Variants in KLF12 observed in about 807,000 individuals in gnomAD.
KLF12 encodes the protein Krueppel-like factor 12.
A neutral mutation model predicts 37.8 loss-of-function variants in KLF12; 9 were observed. The ratio of observed to expected loss-of-function variants is 0.24; its 90% CI spans 0.14 to 0.42. KLF12 has a LOEUF of 0.42. Among genes scored for constraint, KLF12 ranks in the 10% least tolerant of loss-of-function variants. The pLI is 1.00. For missense variants in KLF12, 411 were observed against 516.0 expected (o/e 0.80, Z 1.97); for synonymous variants, 208 against 202.1 (o/e 1.03, Z -0.25).
chr13:73,899,463 T>C (rs1364126685), intron 3 of KLF12, among the ~76,000 whole-genome samples: 2 of 152,196 alleles, frequency 1.3e-5, no homozygotes, highest in East Asian at 1.9e-4. Flanking sequence ...TTCCCTCCCC[T>C]GAGCTATGTG....
intron 1 of KLF12, among the ~76,000 whole-genome samples, chr13:74,080,183 T>A (rs1874796464): frequency 6.6e-6 from 1 of 151,736 alleles, no homozygotes; most frequent in South Asian, 2.1e-4. Context: ...TCATGCCTTA[T>A]CCCAATTCTT....
chr13:74,287,395 A>AGAGAGAGG, the KLF12 span, among the ~76,000 whole-genome samples: 1 of 147,162 alleles, frequency 6.8e-6, no homozygotes, highest in East Asian at 2.0e-4. Context: ...AGAGAGAGAG[A>AGAGAGAGG]ATCCACCTCT....
At chr13:73,890,312 A>G (rs1386905543) in intron 3 of KLF12, among the ~76,000 whole-genome samples, 1 of 152,102 alleles carries the variant, frequency 6.6e-6, no homozygotes, top group East Asian at 1.9e-4. Flanking sequence ...AGTCAGCCTT[A>G]AAAAGTTTCT....
chr13:73,905,326 A>G (rs1888226851), intron 3 of KLF12, among the ~76,000 whole-genome samples: 1 of 149,862 alleles, frequency 6.7e-6, no homozygotes, highest in Admixed American at 6.6e-5. Flanking sequence ...CTAAAATCTG[A>G]GACAGCGCTA....
intron 6 of KLF12, among the ~76,000 whole-genome samples, chr13:73,733,120 C>G (rs764415836): frequency 1.3e-5 from 2 of 152,134 alleles, no homozygotes; most frequent in African/African-American, 2.4e-5. Flanking sequence ...TCCTTCCCCC[C>G]AGTCTTTTAT....
In KLF12 at chr13:73,693,051, A is replaced by C. The variant is rs1056630657; in HGVS notation, c.*2439T>G. 6.6e-6 allele frequency: 1 copy of C among 152,208 alleles called. No individual in the cohort carries two copies. The highest frequency in any genetic ancestry group is 2.4e-5 in the African/African-American group (1 of 41,450). The allele number at this position is 152,208 out of a possible 1,614,324, so 9.4% of individuals were successfully genotyped here. ...ACCAAGTCTACCTGTAATACTCTCA[A>C]GACATCTTTCAGCAGAGAAAAGAAC... On this transcript the variant is annotated 3_prime_UTR_variant, in exon 8 of 8. Coordinates refer to ENST00000377669, the MANE Select transcript of KLF12 (RefSeq NM_007249.5).
the KLF12 span, among the ~76,000 whole-genome samples, chr13:74,155,844 C>A: frequency 6.6e-6 from 1 of 152,098 alleles, no homozygotes; most frequent in African/African-American, 2.4e-5. Context: ...TTTGTGTCAT[C>A]CTGGTATTGG....
At chr13:73,790,781 C>G (rs1347098959) in intron 5 of KLF12, among the ~76,000 whole-genome samples, 1 of 152,194 alleles carries the variant, frequency 6.6e-6, no homozygotes, top group African/African-American at 2.4e-5. Context: ...ATACCCTTAG[C>G]TCCATGTTGC....
chr13:74,011,187 T>A (rs1478463276), intron 1 of KLF12, among the ~76,000 whole-genome samples: 1 of 144,376 alleles, frequency 6.9e-6, no homozygotes, highest in African/African-American at 2.6e-5. Context: ...ATTAAATCTC[T>A]AGTGTAGTTA....
chr13:73,708,747 C>G lies in KLF12; in HGVS notation c.1027+6621G>C, dbSNP rs190794136. On this transcript the variant is annotated intron_variant, in intron 7 of 7. Coordinates refer to ENST00000377669, the MANE Select transcript of KLF12 (RefSeq NM_007249.5). Reference sequence around the variant, plus strand: ...ATTCAAATGCAAATCAGTTAATAAGCAATAGAACTCTTAACGTGAGGGAAT... The same window carrying G: ...ATTCAAATGCAAATCAGTTAATAAGGAATAGAACTCTTAACGTGAGGGAAT... 1.2e-3 allele frequency among the ~76,000 whole-genome samples: 186 copies of G among 152,198 alleles called. 1 individual carries two copies. The highest frequency in any genetic ancestry group is 4.7e-3 in the Admixed American group (72 of 15,292).
the KLF12 span, among the ~76,000 whole-genome samples, chr13:74,155,199 T>C: frequency 1.3e-5 from 2 of 152,312 alleles, no homozygotes; most frequent in East Asian, 3.9e-4. Flanking sequence ...TTTGCATGAA[T>C]GTTCCTTAGA....
intron 7 of KLF12, among the ~76,000 whole-genome samples, chr13:73,698,655 T>C (rs538235780): frequency 1.3e-5 from 2 of 152,310 alleles, no homozygotes; most frequent in Admixed American, 1.3e-4. Context: ...ATAAATAAGT[T>C]TTTATTGGAG....
intron 2 of KLF12, among the ~76,000 whole-genome samples, chr13:73,991,834 C>T (rs1483253411): frequency 2.6e-5 from 4 of 152,232 alleles, no homozygotes; most frequent in African/African-American, 9.6e-5. Flanking sequence ...GCTGCTATTA[C>T]AATCCCTCTA....
Position 73,872,458 on chromosome 13 carries a change from G to A in KLF12, c.124-26085C>T, listed in dbSNP as rs962317241. ...TAAATCTCCTCAGTGCCGTATCTGAGGGCAGAATGTAAGGTGGGTGACCCC... is the reference window on the plus strand; with the variant it reads ...TAAATCTCCTCAGTGCCGTATCTGAAGGCAGAATGTAAGGTGGGTGACCCC... On this transcript the variant is annotated intron_variant, in intron 3 of 7. Coordinates refer to ENST00000377669, the MANE Select transcript of KLF12 (RefSeq NM_007249.5). 1.3e-4 allele frequency among the ~76,000 whole-genome samples: 20 copies of A among 152,204 alleles called. 1 individual carries two copies. The highest frequency in any genetic ancestry group is 3.9e-4 in the African/African-American group (16 of 41,456).
At chr13:74,161,062 G>C in the KLF12 span, among the ~76,000 whole-genome samples, 3 of 138,922 alleles carry the variant, frequency 2.2e-5, no homozygotes, top group African/African-American at 7.5e-5. Flanking sequence ...GGACATTCAG[G>C]AGAGTCTTTT....
At chr13:74,169,776 G>A in the KLF12 span, among the ~76,000 whole-genome samples, 1 of 152,198 alleles carries the variant, frequency 6.6e-6, no homozygotes, top group Non-Finnish European at 1.5e-5. Context: ...TGCCTTGAAT[G>A]GCGTTGAGGA....
chr13:74,268,744 A>G, the KLF12 span, among the ~76,000 whole-genome samples: 1 of 152,228 alleles, frequency 6.6e-6, no homozygotes. Context: ...TGCCCTAGAA[A>G]TTGTGCTAAC....
intron 7 of KLF12, among the ~76,000 whole-genome samples, chr13:73,715,108 T>C (rs1327019742): frequency 6.6e-6 from 1 of 152,160 alleles, no homozygotes; most frequent in Admixed American, 6.5e-5. Flanking sequence ...TGATAGCCTA[T>C]ATAATGATTA....
chr13:73,932,864 TC>T (rs1889750977), intron 3 of KLF12, among the ~76,000 whole-genome samples: 1 of 152,168 alleles, frequency 6.6e-6, no homozygotes, highest in East Asian at 1.9e-4. Context: ...TTTCACAAGA[TC>T]TATATTAGAT....
Sources: allele counts gnomAD v4.1 joint callset (sites outside exome capture counted in the v4.1 genomes callset), GRCh38; gene constraint gnomAD v4.1.1; transcripts MANE v1.5; gene names NCBI Gene and HGNC (gene_info 2026-07-23, HGNC 2026-07-21).